Variants in FAM120A observed in about 807,000 individuals in gnomAD.
FAM120A encodes the protein constitutive coactivator of PPAR-gamma-like protein 1.
FAM120A carries 15 observed loss-of-function variants against 109.7 expected under a neutral mutation model. That is an observed-to-expected ratio of 0.14 (90% CI 0.09 to 0.21). The LOEUF is 0.21. Among genes scored for constraint, FAM120A ranks in the 10% least tolerant of loss-of-function variants. FAM120A has a pLI of 1.00. For synonymous variants in FAM120A, 493 were observed against 572.8 expected (o/e 0.86, Z 1.99); for missense variants, 899 against 1,439.3 (o/e 0.62, Z 6.07).
chr9:93,468,463 A>G lies in FAM120A; in HGVS notation c.475-2678A>G, dbSNP rs577339080. On this transcript the variant is annotated intron_variant, in intron 1 of 17. Coordinates refer to ENST00000277165, the MANE Select transcript of FAM120A (RefSeq NM_014612.5). ...AGTGCTGTAGCAGAGAGGTGACCAG[A>G]GTGTAGGTATGGTTTATAATAGTAC... is the stretch of plus-strand genomic sequence containing the variant. Among the ~76,000 whole-genome samples, 11 of 152,292 alleles carry G rather than the reference A, an allele frequency of 7.2e-5. No individual in the cohort carries two copies. In the East Asian group the frequency reaches 2.1e-3, roughly 29 times the overall value.
Position 93,558,660 on chromosome 9 carries a change from G to A in FAM120A, c.2748G>A (p.Ser916=), listed in dbSNP as rs146303086. ...GTGCCTTCCGTGTGGCGGCAGCATC[G>A]GGACACTGCGGAGCCTTCTCAGGCA... ...PYRAFRVAAA[S]GHCGAFSGSD... Residue 916 remains serine (S), a synonymous_variant, in exon 15 of 18, where the codon TCG becomes TCA. Coordinates refer to ENST00000277165, the MANE Select transcript of FAM120A (RefSeq NM_014612.5). 1.8e-5 allele frequency: 29 copies of A among 1,613,986 alleles called. No individual in the cohort carries two copies. The highest frequency in any genetic ancestry group is 7.7e-5 in the South Asian group (7 of 91,082).
intron 3 of FAM120A, among the ~76,000 whole-genome samples, chr9:93,491,681 A>C (rs1254373309): frequency 3.3e-5 from 5 of 152,216 alleles, no homozygotes; most frequent in Non-Finnish European, 5.9e-5. Context: ...CAGTTAGTGA[A>C]ATTGCTACAC....
intron 2 of FAM120A, among the ~76,000 whole-genome samples, chr9:93,475,002 C>T (rs1042297915): frequency 6.6e-6 from 1 of 152,156 alleles, no homozygotes; most frequent in African/African-American, 2.4e-5. Context: ...TTGGACATCA[C>T]GGGAGTTCAG....
chr9:93,541,446 T>C (rs1030788929), intron 10 of FAM120A, among the ~76,000 whole-genome samples: 4 of 152,270 alleles, frequency 2.6e-5, no homozygotes, highest in South Asian at 2.1e-4. Flanking sequence ...GGCAGTGCCT[T>C]AGATTGTGCG....
intron 7 of FAM120A, among the ~76,000 whole-genome samples, chr9:93,522,579 G>A (rs1423035379): frequency 1.3e-5 from 2 of 151,962 alleles, no homozygotes; most frequent in African/African-American, 4.8e-5. Flanking sequence ...TAATATTTTT[G>A]CATAAAATTA....
At chr9:93,548,540 C>T (rs905012605) in intron 11 of FAM120A, among the ~76,000 whole-genome samples, 2 of 152,092 alleles carry the variant, frequency 1.3e-5, no homozygotes, top group African/African-American at 4.8e-5. Flanking sequence ...TGCTTAATGC[C>T]ACTGAACTGT....
chr9:93,498,208 C>G lies in FAM120A; in HGVS notation c.934-582C>G, dbSNP rs548808757. ...AGGAGTTTGAGACTAGCCTGGCCAA[C>G]ATGGTGAAACCCTGTCTCTATTAAA... is the stretch of plus-strand genomic sequence containing the variant. On this transcript the variant is annotated intron_variant, in intron 4 of 17. Transcript: ENST00000277165. This position sits in a 1 kb window ranked among gnomAD's most constrained non-coding sequence, Gnocchi z 4.4. Among the ~76,000 whole-genome samples, 85 of 152,186 alleles carry G rather than the reference C, an allele frequency of 5.6e-4. No individual in the cohort carries two copies. The highest frequency in any genetic ancestry group is 1.1e-3 in the Non-Finnish European group (73 of 68,038).
intron 2 of FAM120A, among the ~76,000 whole-genome samples, chr9:93,472,764 A>G (rs1397715549): frequency 6.6e-6 from 1 of 152,190 alleles, no homozygotes; most frequent in East Asian, 1.9e-4. Context: ...CTGGTTCTTT[A>G]TTTCAAAGAG....
At chr9:93,551,982 G>A (rs1027444457) in intron 12 of FAM120A, among the ~76,000 whole-genome samples, 3 of 152,152 alleles carry the variant, frequency 2.0e-5, no homozygotes, top group Non-Finnish European at 2.9e-5. Flanking sequence ...GTCCTTTCCC[G>A]TGTCCTCACC....
In FAM120A at chr9:93,452,914, A is replaced by G. The variant is rs1266388839; in HGVS notation, c.474+525A>G. ...CCTTGCCAATGTTGTTAGCCCGGTG[A>G]CAGCGAGACGTGTCTAAGGGCCAGT... On this transcript the variant is annotated intron_variant, in intron 1 of 17. Transcript: ENST00000277165. The surrounding 1 kb of genome is among the most constrained non-coding windows in gnomAD (Gnocchi z 7.0). 3.1e-5 allele frequency: 45 copies of G among 1,430,336 alleles called. No individual in the cohort carries two copies. Among genetic ancestry groups the G allele is most frequent in the Non-Finnish European group, 3.9e-5 (43 of 1,099,614 alleles). 88.6% of individuals were successfully genotyped at this position (1,430,336 alleles called of 1,614,324 possible). A position where few individuals can be genotyped will look rare whatever the true frequency, so the allele number is the denominator to read the frequency against.
chr9:93,473,878 G>A (rs1249467358), intron 2 of FAM120A, among the ~76,000 whole-genome samples: 1 of 152,200 alleles, frequency 6.6e-6, no homozygotes, highest in Non-Finnish European at 1.5e-5. Context: ...TTCCATGTTT[G>A]CTTAAATGCT....
intron 11 of FAM120A, among the ~76,000 whole-genome samples, chr9:93,548,566 T>A (rs1861978820): frequency 6.6e-6 from 1 of 152,180 alleles, no homozygotes; most frequent in African/African-American, 2.4e-5. Context: ...TAAAAATGGC[T>A]TAAATGGTAA....
chr9:93,486,123 C>T (rs1324525889), intron 3 of FAM120A, among the ~76,000 whole-genome samples: 1 of 152,116 alleles, frequency 6.6e-6, no homozygotes, highest in Non-Finnish European at 1.5e-5. Context: ...TAGGCGTGTA[C>T]CACCACACTG....
chr9:93,496,907 A>G (rs1227736259), intron 3 of FAM120A, among the ~76,000 whole-genome samples: 1 of 152,200 alleles, frequency 6.6e-6, no homozygotes, highest in African/African-American at 2.4e-5. Context: ...TTCCTCAAAC[A>G]TGCCCCTCAA....
At chr9:93,454,655 A>C (rs1475548546) in intron 1 of FAM120A, among the ~76,000 whole-genome samples, 1 of 152,246 alleles carries the variant, frequency 6.6e-6, no homozygotes, top group East Asian at 1.9e-4. Context: ...TTCTGGGGCT[A>C]TTTTAAGAAA....
chr9:93,453,190 G>T, intron 1 of FAM120A: 1 of 1,002,410 alleles, frequency 1.0e-6, no homozygotes, highest in Non-Finnish European at 1.2e-6. Flanking sequence ...GAACTCGCAG[G>T]ATTTATTTTT....
In FAM120A at chr9:93,452,721, C is replaced by T. The variant is rs1430033042; in HGVS notation, c.474+332C>T. On this transcript the variant is annotated intron_variant, in intron 1 of 17. Coordinates refer to ENST00000277165, the MANE Select transcript of FAM120A (RefSeq NM_014612.5). This position sits in a 1 kb window ranked among gnomAD's most constrained non-coding sequence, Gnocchi z 7.0. ...TTAGTTTTTCCCATCCTATTTGAGGCGGGCAGGCTATCACTCACCTTCAAC... is the reference window on the plus strand; with the variant it reads ...TTAGTTTTTCCCATCCTATTTGAGGTGGGCAGGCTATCACTCACCTTCAAC... 1.3e-6 allele frequency: 2 copies of T among 1,598,240 alleles called. No homozygotes were observed. Among genetic ancestry groups the T allele is most frequent in the Non-Finnish European group, 1.7e-6 (2 of 1,179,814 alleles).
chr9:93,472,986 C>T (rs1363652163), intron 2 of FAM120A, among the ~76,000 whole-genome samples: 1 of 151,828 alleles, frequency 6.6e-6, no homozygotes, highest in Non-Finnish European at 1.5e-5. Flanking sequence ...AGAGGCTATG[C>T]TTTTCAAGTT....
chr9:93,531,448 G>A (rs1254724962), intron 9 of FAM120A: 1 of 152,260 alleles, frequency 6.6e-6, no homozygotes, highest in African/African-American at 2.4e-5. Context: ...CCCTGAGACA[G>A]ATTAATTTTG....
Sources: gnomAD v4.1 joint callset for allele counts (sites outside exome capture counted in the v4.1 genomes callset) on GRCh38, gnomAD v4.1.1 for gene constraint, Gnocchi (gnomAD v3.1) non-coding constraint, MANE v1.5 for transcripts, NCBI Gene and HGNC (gene_info 2026-07-23, HGNC 2026-07-21) for gene names.